The following OXGR1 variants were observed in gnomAD, a reference collection of about 807,000 sequenced individuals.
The protein encoded by OXGR1 is oxoglutarate receptor 1, also known as 2-oxoglutarate receptor 1.
OXGR1 carries 10 observed loss-of-function variants against 10.0 expected under a neutral mutation model. That is an observed-to-expected ratio of 1.00 (90% CI 0.62 to 1.70). The LOEUF (loss-of-function observed/expected upper bound fraction) is 1.70, where lower values mean the gene tolerates loss of function less well. Ranked by LOEUF, OXGR1 falls within the 40% of genes most tolerant of loss-of-function variation. The pLI is 0.00. For missense variants in OXGR1, 398 were observed against 407.6 expected (o/e 0.98, Z 0.20); for synonymous variants, 191 against 155.9 (o/e 1.22, Z -1.68).
At chr13:96,989,081 A>C (rs1047624205) in intron 3 of OXGR1, among the ~76,000 whole-genome samples, 12 of 152,318 alleles carry the variant, frequency 7.9e-5, no homozygotes, top group Middle Eastern at 3.4e-3. Flanking sequence ...ATAGGAAAAA[A>C]AACTCTTGGC....
intron 1 of OXGR1, among the ~76,000 whole-genome samples, chr13:96,992,827 G>C (rs1054922692): frequency 6.6e-6 from 1 of 152,078 alleles, no homozygotes; most frequent in Non-Finnish European, 1.5e-5. Flanking sequence ...TTCTGGTTCT[G>C]CTCCCATGCT....
In OXGR1 at chr13:96,986,649, T is replaced by A. The variant is rs1881751873; in HGVS notation, c.*97A>T. ...ACATGATTACTTGAATACACAGTATTTACCAGGAGTTCCATTGAGGGAGAC... is the reference window on the plus strand; with the variant it reads ...ACATGATTACTTGAATACACAGTATATACCAGGAGTTCCATTGAGGGAGAC... On this transcript the variant is annotated 3_prime_UTR_variant, in exon 4 of 4. Transcript: ENST00000541038. The A allele has an allele frequency of 7.7e-7, 1 of 1,297,590 alleles. No individual in the cohort carries two copies. The highest frequency in any genetic ancestry group is 1.4e-5 in the South Asian group (1 of 69,800). The allele number at this position is 1,297,590 out of a possible 1,614,324, so 80.4% of individuals were successfully genotyped here.
rs985315495 is a variant in OXGR1 at position 96,986,566 on chromosome 13, A to G, written c.*180T>C. 5 of 614,800 alleles carry G rather than the reference A, an allele frequency of 8.1e-6. No individual in the cohort carries two copies. The highest frequency in any genetic ancestry group is 5.5e-5 in the African/African-American group (3 of 54,094). The allele number at this position is 614,800 out of a possible 1,614,324, so 38.1% of individuals were successfully genotyped here. On this transcript the variant is annotated 3_prime_UTR_variant, in exon 4 of 4. Coordinates refer to ENST00000541038, the MANE Select transcript of OXGR1 (RefSeq NM_001346194.2). ...ATGCATCCCATTCTTATATCTCCCC[A>G]GTGGAGGAGCTCAATAAAGGGATTG...
intron 2 of OXGR1, among the ~76,000 whole-genome samples, chr13:96,991,784 G>A (rs1882069996): frequency 6.6e-6 from 1 of 152,146 alleles, no homozygotes; most frequent in Non-Finnish European, 1.5e-5. Flanking sequence ...GCATTCCCAT[G>A]TTTGTTGCAG....
chr13:96,987,533 G>T lies in OXGR1; in HGVS notation c.227C>A (p.Ala76Asp), dbSNP rs1452473086. ...KSSTIIMLNL[A>D]CTDLLYLTSL... ...GGTCAGATACAGCAGATCTGTGCAG[G>T]CCAGGTTCAGCATAATGATGGTGCT... The change falls in exon 4 of 4, where the codon GCC becomes GAC. Residue 76 changes from alanine to aspartate, a missense_variant. By Grantham distance (126) the Ala-to-Asp change is moderately radical. Transcript: ENST00000541038. 1.2e-6 allele frequency: 2 copies of T among 1,614,122 alleles called. No homozygotes were observed. Among genetic ancestry groups the T allele is most frequent in the East Asian group, 2.2e-5 (1 of 44,876 alleles).
chr13:96,987,768 C>A lies in OXGR1; in HGVS notation c.-9G>T. 6.5e-7 allele frequency: 1 copy of A among 1,549,396 alleles called. No individual in the cohort carries two copies. The highest frequency in any genetic ancestry group is 8.7e-7 in the Non-Finnish European group (1 of 1,149,308). Reference sequence around the variant, plus strand: ...TCTAGTGGCTCATTCATGGTTGTCTCCTTTCATCTTGCAAGAAAACAAGAG... The same window carrying A: ...TCTAGTGGCTCATTCATGGTTGTCTACTTTCATCTTGCAAGAAAACAAGAG... On this transcript the variant is annotated 5_prime_UTR_variant, in exon 4 of 4. Transcript: ENST00000541038.
intron 3 of OXGR1, among the ~76,000 whole-genome samples, chr13:96,989,352 G>A (rs1881939117): frequency 6.6e-6 from 1 of 152,178 alleles, no homozygotes; most frequent in South Asian, 2.1e-4. Flanking sequence ...ACTGCCCTGA[G>A]TATACTCTTC....
Position 96,987,778 on chromosome 13 carries a change from T to C in OXGR1, c.-19A>G. The C allele has an allele frequency of 6.5e-7, 1 of 1,542,966 alleles. No individual in the cohort carries two copies. Among genetic ancestry groups the C allele is most frequent in the South Asian group, 1.3e-5 (1 of 78,296 alleles). On this transcript the variant is annotated 5_prime_UTR_variant, in exon 4 of 4. Coordinates refer to ENST00000541038, the MANE Select transcript of OXGR1 (RefSeq NM_001346194.2). Reference sequence around the variant, plus strand: ...CATTCATGGTTGTCTCCTTTCATCTTGCAAGAAAACAAGAGAGTTCAGTTT... The same window carrying C: ...CATTCATGGTTGTCTCCTTTCATCTCGCAAGAAAACAAGAGAGTTCAGTTT...
At position 96,986,765 on chromosome 13, in the gene OXGR1, C is replaced by T; in HGVS notation, c.995G>A (p.Ser332Asn). The stretch of plus-strand genomic sequence containing the variant: ...AATATTTCAAGGGTTGTTTGAGTAA[C>T]TAATTTTCTTTGCTTGCTCAAGGTT... Reference protein sequence around the residue: ...SGNLEQAKKISYSNNP With the variant: ...SGNLEQAKKINYSNNP The change falls in exon 4 of 4, where the codon AGT becomes AAT. Residue 332 changes from serine (S) to asparagine (N), a missense_variant. By Grantham distance (46) the Ser-to-Asn change is conservative. Transcript: ENST00000541038. 2.5e-6 allele frequency: 4 copies of T among 1,607,004 alleles called. No individual in the cohort carries two copies. The Admixed American group carries it at 5.1e-5, about 21-fold the overall frequency.
At chr13:96,992,947 C>T (rs770809679) in intron 1 of OXGR1, among the ~76,000 whole-genome samples, 2 of 152,110 alleles carry the variant, frequency 1.3e-5, no homozygotes, top group Non-Finnish European at 2.9e-5. Flanking sequence ...TTGGAAGCTC[C>T]AAAGCTGGGG....
chr13:96,986,478 C>G lies in OXGR1; in HGVS notation c.*268G>C. ...TAGTAAGTTGGTGGGAACAGATGTT[C>G]TCTAAGATGCCTCTGAGTTCCAATA... On this transcript the variant is annotated 3_prime_UTR_variant, in exon 4 of 4. Coordinates refer to ENST00000541038, the MANE Select transcript of OXGR1 (RefSeq NM_001346194.2). The G allele has an allele frequency of 2.5e-6, 1 of 394,606 alleles. No individual in the cohort carries two copies. Among genetic ancestry groups the G allele is most frequent in the Non-Finnish European group, 4.6e-6 (1 of 218,476 alleles). 24.4% of individuals were successfully genotyped at this position (394,606 alleles called of 1,614,324 possible). A position where few individuals can be genotyped will look rare whatever the true frequency, so the allele number is the denominator to read the frequency against.
intron 3 of OXGR1, among the ~76,000 whole-genome samples, chr13:96,988,730 C>T (rs34180294): frequency 0.078 from 11,896 of 152,196 alleles, 673 homozygotes; most frequent in Non-Finnish European, 0.12. Flanking sequence ...ATTAAGCTCT[C>T]TAGGGCTGGA....
chr13:96,987,635 A>G lies in OXGR1; in HGVS notation c.125T>C (p.Ile42Thr). 1 of 1,614,208 alleles carries G rather than the reference A, an allele frequency of 6.2e-7. No individual in the cohort carries two copies. The highest frequency in any genetic ancestry group is 8.5e-7 in the Non-Finnish European group (1 of 1,180,036). The change falls in exon 4 of 4, where the codon ATT (isoleucine) becomes ACT (threonine). Residue 42 changes from isoleucine to threonine, a missense_variant. Coordinates refer to ENST00000541038, the MANE Select transcript of OXGR1 (RefSeq NM_001346194.2). Reference sequence around the variant, plus strand: ...GCCTGGAAATCCCACGAGGAAGATAATGCCATAAATAACAGGGAGGTAGTG... The same window carrying G: ...GCCTGGAAATCCCACGAGGAAGATAGTGCCATAAATAACAGGGAGGTAGTG... ...KMHYLPVIYGIIFLVGFPGNA... is the reference protein window; with the variant it reads ...KMHYLPVIYGTIFLVGFPGNA...
upstream of OXGR1, chr13:96,994,649 G>A (rs1292763291): frequency 2.0e-5 from 3 of 152,038 alleles, no homozygotes; most frequent in African/African-American, 7.3e-5. Context: ...TGGCCGCCTT[G>A]TCTTGGTCCA....
chr13:96,990,818 C>T (rs1882015348), intron 2 of OXGR1, among the ~76,000 whole-genome samples: 1 of 151,546 alleles, frequency 6.6e-6, no homozygotes, highest in Admixed American at 6.6e-5. Flanking sequence ...GTGTGGTGGC[C>T]CATGCCTATA....
chr13:96,987,001 A>G lies in OXGR1; in HGVS notation c.759T>C (p.Cys253=). Residue 253 remains cysteine (C), a synonymous_variant, in exon 4 of 4, where the codon TGT becomes TGC. Coordinates refer to ENST00000541038, the MANE Select transcript of OXGR1 (RefSeq NM_001346194.2). ...CCCTCAAGATATGGAAGGGTAAAAA[A>G]CATACGTAAAATGCAAGGAGTAGCA... is the stretch of plus-strand genomic sequence containing the variant. The part of the protein sequence containing the change: ...TILLLLAFYV[C]FLPFHILRVI... 1 of 1,614,224 alleles carries G rather than the reference A, an allele frequency of 6.2e-7. No homozygotes were observed. Among genetic ancestry groups the G allele is most frequent in the Non-Finnish European group, 8.5e-7 (1 of 1,180,046 alleles).
chr13:96,991,824 C>A (rs897806625), intron 2 of OXGR1, among the ~76,000 whole-genome samples: 3 of 152,170 alleles, frequency 2.0e-5, no homozygotes, highest in African/African-American at 7.2e-5. Context: ...GATTTGGAAG[C>A]AACCTAAGTG....
intron 3 of OXGR1, among the ~76,000 whole-genome samples, chr13:96,988,421 C>T (rs779944601): frequency 3.3e-5 from 5 of 152,022 alleles, no homozygotes; most frequent in Non-Finnish European, 4.4e-5. Flanking sequence ...TCATGATTGC[C>T]GTAAATAACG....
rs759582884 is a variant in OXGR1 at position 96,987,709 on chromosome 13, A to G, written c.51T>C (p.Tyr17=). The change falls in exon 4 of 4, where the codon TAT becomes TAC. Residue 17 remains tyrosine (Y), a synonymous_variant. Transcript: ENST00000541038. ...YLANASDFPD[Y]AAAFGNCTDE... ...CAGTGCAATTTCCAAAAGCAGCTGC[A>G]TAATCGGGGAAATCAGAAGCATTTG... The G allele has an allele frequency of 8.1e-6, 13 of 1,611,172 alleles. No individual in the cohort carries two copies. The Middle Eastern group carries it at 4.9e-4, about 61-fold the overall frequency.
Sources: gnomAD v4.1 joint callset for allele counts (sites outside exome capture counted in the v4.1 genomes callset) on GRCh38, gnomAD v4.1.1 for gene constraint, MANE v1.5 for transcripts, NCBI Gene and HGNC (gene_info 2026-07-23, HGNC 2026-07-21) for gene names.